The following CNTNAP2 variants were observed in gnomAD, a reference collection of about 807,000 sequenced individuals.
CNTNAP2 encodes the protein contactin associated protein 2, also known as contactin-associated protein-like 2.
In CNTNAP2, 98 loss-of-function variants were observed where a neutral mutation model predicts 155.2. The ratio of observed to expected loss-of-function variants is 0.63; its 90% CI spans 0.54 to 0.75. The LOEUF (loss-of-function observed/expected upper bound fraction) is 0.75, where lower values mean the gene tolerates loss of function less well. Among genes scored for constraint, CNTNAP2 ranks in the 30% least tolerant of loss-of-function variants. CNTNAP2 has a pLI of 0.00. For synonymous variants in CNTNAP2, 651 were observed against 631.2 expected (o/e 1.03, Z -0.47); for missense variants, 1,727 against 1,688.1 (o/e 1.02, Z -0.40).
chr7:146,815,317 A>T (rs1274448776), intron 2 of CNTNAP2, among the ~76,000 whole-genome samples: 3 of 152,180 alleles, frequency 2.0e-5, no homozygotes, highest in Non-Finnish European at 4.4e-5. Context: ...ATATTAGCTT[A>T]TATGTATGAT....
At chr7:148,182,321 G>A (rs1441357720) in intron 18 of CNTNAP2, among the ~76,000 whole-genome samples, 1 of 142,888 alleles carries the variant, frequency 7.0e-6, no homozygotes, top group East Asian at 2.1e-4. Flanking sequence ...ATTGTCCTGA[G>A]GGTTTTGCTT....
chr7:147,011,907 G>A (rs535069820), intron 3 of CNTNAP2, among the ~76,000 whole-genome samples: 185 of 152,306 alleles, frequency 1.2e-3, no homozygotes, highest in African/African-American at 4.2e-3. Context: ...AGATAAGCCT[G>A]GCTGGGTTTC....
chr7:147,923,273 C>T (rs1800318395), intron 14 of CNTNAP2, among the ~76,000 whole-genome samples: 1 of 151,996 alleles, frequency 6.6e-6, no homozygotes, highest in South Asian at 2.1e-4. Context: ...ATTAGGTGGG[C>T]CCTAATTCAT....
chr7:146,770,156 T>G (rs1585081980), intron 1 of CNTNAP2, among the ~76,000 whole-genome samples: 1 of 152,274 alleles, frequency 6.6e-6, no homozygotes, highest in East Asian at 1.9e-4. Context: ...TTAAACCATT[T>G]TTATTACTCT....
Position 146,956,995 on chromosome 7 carries a change from C to A in CNTNAP2, c.403-86912C>A, listed in dbSNP as rs557898503. Among the ~76,000 whole-genome samples, 92 of 152,228 alleles carry A rather than the reference C, an allele frequency of 6.0e-4. 1 individual carries two copies. Among genetic ancestry groups the A allele is most frequent in the African/African-American group, 2.0e-3 (85 of 41,548 alleles). On this transcript the variant is annotated intron_variant, in intron 3 of 23. Coordinates refer to ENST00000361727, the MANE Select transcript of CNTNAP2 (RefSeq NM_014141.6). ...TGAGAACTGCGTCCTTAGGAGATTT[C>A]TCATCATGTGAGCATCATCATGAAC... is the stretch of plus-strand genomic sequence containing the variant.
chr7:148,319,400 C>T (rs1797751063), intron 21 of CNTNAP2, among the ~76,000 whole-genome samples: 1 of 151,938 alleles, frequency 6.6e-6, no homozygotes, highest in Admixed American at 6.6e-5. Context: ...GATATCAAAA[C>T]TCTTTGTTTT....
intron 10 of CNTNAP2, among the ~76,000 whole-genome samples, chr7:147,441,587 T>C (rs1218752525): frequency 6.6e-6 from 1 of 152,130 alleles, no homozygotes; most frequent in Non-Finnish European, 1.5e-5. Context: ...ATTGGCTTGT[T>C]TGTACCCGTC....
intron 13 of CNTNAP2, among the ~76,000 whole-genome samples, chr7:147,648,830 A>G (rs1409110117): frequency 2.0e-5 from 3 of 152,284 alleles, no homozygotes; most frequent in Non-Finnish European, 4.4e-5. Flanking sequence ...CTGGAAGTGG[A>G]AAAACTGAGT....
intron 12 of CNTNAP2, among the ~76,000 whole-genome samples, chr7:147,625,223 A>C (rs1163999499): frequency 1.3e-5 from 2 of 152,146 alleles, no homozygotes; most frequent in Non-Finnish European, 2.9e-5. Context: ...TAATAACTTA[A>C]TTGTACATTT....
chr7:147,095,650 A>G (rs896104871), intron 4 of CNTNAP2, among the ~76,000 whole-genome samples: 5 of 151,776 alleles, frequency 3.3e-5, no homozygotes, highest in Admixed American at 2.0e-4. Context: ...TGAATCTGAC[A>G]TCACTACAAT....
At chr7:147,935,844 C>A (rs1432704157) in intron 14 of CNTNAP2, among the ~76,000 whole-genome samples, 1 of 152,186 alleles carries the variant, frequency 6.6e-6, no homozygotes, top group Admixed American at 6.5e-5. Context: ...CTCTCCACTT[C>A]ATTATTTTCT....
chr7:147,298,227 A>G (rs1036226613), intron 8 of CNTNAP2, among the ~76,000 whole-genome samples: 3 of 152,154 alleles, frequency 2.0e-5, no homozygotes, highest in African/African-American at 7.2e-5. Context: ...TCAGGAGTTC[A>G]GGACCAGCCT....
intron 13 of CNTNAP2, among the ~76,000 whole-genome samples, chr7:147,692,865 A>AT (rs1796108138): frequency 6.6e-6 from 1 of 151,774 alleles, no homozygotes; most frequent in Non-Finnish European, 1.5e-5. Context: ...CTAGCTTGCC[A>AT]TTTTTTCCCT....
chr7:147,972,300 A>G (rs1324784002), intron 14 of CNTNAP2, among the ~76,000 whole-genome samples: 3 of 152,220 alleles, frequency 2.0e-5, no homozygotes, highest in African/African-American at 7.2e-5. Context: ...ACTTCACAAA[A>G]GAGAAGTCCA....
rs138024980 is a variant in CNTNAP2, at chr7:146,142,069, A to C, written c.97+25096A>C. The stretch of plus-strand genomic sequence containing the variant: ...TTGTATTTCCTTGTTATTAACCCAC[A>C]TCTCACCATATTGCAATTAACTTTC... On this transcript the variant is annotated intron_variant, in intron 1 of 23. Coordinates refer to ENST00000361727, the MANE Select transcript of CNTNAP2 (RefSeq NM_014141.6). 2.0e-3 allele frequency among the ~76,000 whole-genome samples: 298 copies of C among 152,276 alleles called. 1 individual carries two copies. Among genetic ancestry groups the C allele is most frequent in the African/African-American group, 6.9e-3 (285 of 41,566 alleles).
At chr7:146,320,001 C>CG (rs1248141981) in intron 1 of CNTNAP2, among the ~76,000 whole-genome samples, 1 of 150,872 alleles carries the variant, frequency 6.6e-6, no homozygotes, top group African/African-American at 2.5e-5. Flanking sequence ...TGTCGCCCCC[C>CG]CCACCCCAGT....
In CNTNAP2 at chr7:146,849,068, A is replaced by T. The variant is rs144409869; in HGVS notation, c.402+9164A>T. Among the ~76,000 whole-genome samples the T allele has an allele frequency of 1.7e-4, 26 of 152,330 alleles. No individual in the cohort carries two copies. In the East Asian group the frequency reaches 4.8e-3, roughly 28 times the overall value. On this transcript the variant is annotated intron_variant, in intron 3 of 23. Transcript: ENST00000361727. ...AGTGCTGGGATTATAGGGGTGAGCCACTGCACCCAGCAAAAAGCTGACTTT... is the reference window on the plus strand; with the variant it reads ...AGTGCTGGGATTATAGGGGTGAGCCTCTGCACCCAGCAAAAAGCTGACTTT...
At chr7:146,457,380 A>C (rs1796569382) in intron 1 of CNTNAP2, among the ~76,000 whole-genome samples, 1 of 150,728 alleles carries the variant, frequency 6.6e-6, no homozygotes, top group Admixed American at 6.6e-5. Flanking sequence ...TAATGACTAG[A>C]AAGTTAATCA....
At chr7:146,257,993 C>A (rs577646355) in intron 1 of CNTNAP2, among the ~76,000 whole-genome samples, 1 of 151,720 alleles carries the variant, frequency 6.6e-6, no homozygotes, top group South Asian at 2.1e-4. Flanking sequence ...TGGGTTCAAG[C>A]GATTCTCCTG....
Sources: allele counts gnomAD v4.1 joint callset (sites outside exome capture counted in the v4.1 genomes callset), GRCh38; gene constraint gnomAD v4.1.1; transcripts MANE v1.5; gene names NCBI Gene and HGNC (gene_info 2026-07-23, HGNC 2026-07-21).